The following ARFIP1 variants were observed in gnomAD, a reference collection of about 807,000 sequenced individuals.
ARFIP1 encodes ARF interacting protein 1.
Under a neutral mutation model 42.5 loss-of-function variants are expected in ARFIP1, and 24 were observed. That is an observed-to-expected ratio of 0.57 (90% CI 0.41 to 0.80). The LOEUF (loss-of-function observed/expected upper bound fraction) is 0.80. Ranked by LOEUF, ARFIP1 falls within the 30% of genes least tolerant of loss-of-function variation. The pLI is 0.00. For missense variants in ARFIP1, 354 were observed against 434.0 expected (o/e 0.82, Z 1.64); for synonymous variants, 141 against 153.7 (o/e 0.92, Z 0.61).
At chr4:152,810,562 A>G (rs1274681763) in intron 1 of ARFIP1, among the ~76,000 whole-genome samples, 2 of 151,706 alleles carry the variant, frequency 1.3e-5, no homozygotes, top group East Asian at 3.9e-4. Context: ...TAATGGCAGT[A>G]TTTCGGGAGG....
At chr4:152,864,513 G>A (rs1253087675) in intron 3 of ARFIP1, among the ~76,000 whole-genome samples, 1 of 152,170 alleles carries the variant, frequency 6.6e-6, no homozygotes, top group African/African-American at 2.4e-5. Context: ...CACAGGAATT[G>A]CTTAATTCCT....
At chr4:152,827,440 C>T (rs1243352526) in intron 1 of ARFIP1, among the ~76,000 whole-genome samples, 2 of 152,096 alleles carry the variant, frequency 1.3e-5, no homozygotes, top group African/African-American at 4.8e-5. Flanking sequence ...CGTACTTTAC[C>T]TTAGGGTTCA....
At chr4:152,870,361 C>T (rs1053929399) in intron 3 of ARFIP1, among the ~76,000 whole-genome samples, 2 of 152,182 alleles carry the variant, frequency 1.3e-5, no homozygotes, top group Non-Finnish European at 2.9e-5. Flanking sequence ...ACTTGAAGAG[C>T]TTTTCCTTTA....
chr4:152,906,092 A>G (rs953904505), intron 8 of ARFIP1, among the ~76,000 whole-genome samples: 1 of 152,152 alleles, frequency 6.6e-6, no homozygotes, highest in Non-Finnish European at 1.5e-5. Context: ...TTGTAGCTTT[A>G]GCCCTGACAC....
intron 1 of ARFIP1, among the ~76,000 whole-genome samples, chr4:152,807,607 G>T (rs960390301): frequency 2.1e-4 from 32 of 151,946 alleles, no homozygotes; most frequent in Non-Finnish European, 2.9e-5. Flanking sequence ...TTTCATTTGT[G>T]TTTTCTTGCT....
chr4:152,852,760 T>C (rs1420639093), intron 2 of ARFIP1, among the ~76,000 whole-genome samples: 1 of 152,224 alleles, frequency 6.6e-6, no homozygotes, highest in Non-Finnish European at 1.5e-5. Context: ...AAATCCCTAG[T>C]ATTATCTCAC....
intron 5 of ARFIP1, among the ~76,000 whole-genome samples, chr4:152,875,378 T>TAAAAAAAA (rs11302481): frequency 1.0e-5 from 1 of 100,162 alleles, no homozygotes; most frequent in Non-Finnish European, 2.2e-5. Context: ...TCTTTTTTTA[T>TAAAAAAAA]AAAAAAAAAA....
At chr4:152,788,212 A>G (rs902139554) in intron 1 of ARFIP1, among the ~76,000 whole-genome samples, 4 of 152,258 alleles carry the variant, frequency 2.6e-5, no homozygotes, top group Non-Finnish European at 4.4e-5. Flanking sequence ...AGCCTGGGCG[A>G]CAGCAAGACT....
intron 2 of ARFIP1, among the ~76,000 whole-genome samples, chr4:152,830,507 T>C (rs1172761840): frequency 6.6e-6 from 1 of 152,182 alleles, no homozygotes; most frequent in Non-Finnish European, 1.5e-5. Context: ...AAACAGAGTT[T>C]TCGTATTTTT....
At chr4:152,790,564 ACAGT>A (rs1484112794) in intron 1 of ARFIP1, among the ~76,000 whole-genome samples, 1 of 152,204 alleles carries the variant, frequency 6.6e-6, no homozygotes, top group African/African-American at 2.4e-5. Context: ...ACTTCTGCAG[ACAGT>A]CAGTTTTGTT....
At chr4:152,859,904 C>T (rs528967042) in intron 2 of ARFIP1, among the ~76,000 whole-genome samples, 2 of 151,030 alleles carry the variant, frequency 1.3e-5, no homozygotes, top group East Asian at 3.9e-4. Context: ...TCTAGGCATG[C>T]TCTAATATAA....
intron 8 of ARFIP1, among the ~76,000 whole-genome samples, chr4:152,902,325 G>T (rs1737906756): frequency 6.6e-6 from 1 of 152,198 alleles, no homozygotes; most frequent in Admixed American, 6.5e-5. Context: ...GACATAGAGA[G>T]ACCCGGTCTC....
At chr4:152,851,932 G>A (rs1449737697) in intron 2 of ARFIP1, among the ~76,000 whole-genome samples, 1 of 152,102 alleles carries the variant, frequency 6.6e-6, no homozygotes, top group Non-Finnish European at 1.5e-5. Flanking sequence ...CTTTATGAAA[G>A]CTATTACTAC....
chr4:152,863,705 G>C lies in ARFIP1; in HGVS notation c.193G>C (p.Ala65Pro), dbSNP rs536318352. 1 of 1,599,848 alleles carries C rather than the reference G, an allele frequency of 6.3e-7. No individual in the cohort carries two copies. The highest frequency in any genetic ancestry group is 2.2e-5 in the East Asian group (1 of 44,634). Residue 65 changes from alanine (A) to proline (P), a missense_variant, in exon 3 of 9, where the codon GCA (alanine) becomes CCA (proline). Transcript: ENST00000353617. The part of the protein sequence containing the change: ...NTKEGVIEAG[A>P]FQGSPAPPLP... ...CAAAGAGGGTGTTATTGAAGCAGGA[G>C]CATTTCAAGGTAAGAGCCCATATAT...
At chr4:152,862,085 A>C (rs567550995) in intron 2 of ARFIP1, among the ~76,000 whole-genome samples, 2 of 152,344 alleles carry the variant, frequency 1.3e-5, no homozygotes, top group South Asian at 2.1e-4. Context: ...ATTTACCGCT[A>C]TCTCTCAACA....
At chr4:152,794,077 C>T (rs1306229679) in intron 1 of ARFIP1, among the ~76,000 whole-genome samples, 1 of 152,156 alleles carries the variant, frequency 6.6e-6, no homozygotes, top group African/African-American at 2.4e-5. Context: ...AGTTCCCTTA[C>T]ATTCCTCACC....
chr4:152,900,124 G>A (rs1737694673), intron 8 of ARFIP1, among the ~76,000 whole-genome samples: 1 of 151,712 alleles, frequency 6.6e-6, no homozygotes, highest in Non-Finnish European at 1.5e-5. Context: ...AGGAAGGAAG[G>A]AAGGGTGGAA....
At chr4:152,909,791 A>C (rs1008861514) in intron 8 of ARFIP1, among the ~76,000 whole-genome samples, 8 of 152,200 alleles carry the variant, frequency 5.3e-5, no homozygotes, top group African/African-American at 1.9e-4. Flanking sequence ...ATTTTTAATT[A>C]ATCCTCTCAA....
At chr4:152,887,726 C>G (rs1254375950) in intron 7 of ARFIP1, among the ~76,000 whole-genome samples, 3 of 152,016 alleles carry the variant, frequency 2.0e-5, no homozygotes, top group Non-Finnish European at 4.4e-5. Flanking sequence ...TTTTTCAGAA[C>G]CATTTACACT....
Sources: allele counts gnomAD v4.1 joint callset (sites outside exome capture counted in the v4.1 genomes callset), GRCh38; gene constraint gnomAD v4.1.1; transcripts MANE v1.5; gene names NCBI Gene and HGNC (gene_info 2026-07-23, HGNC 2026-07-21).